Variants in HORMAD2 observed in about 807,000 individuals in gnomAD.
HORMAD2 encodes the protein HORMA domain containing 2.
In HORMAD2, 45 loss-of-function variants were observed where a neutral mutation model predicts 38.8. That is an observed-to-expected ratio of 1.16 (90% confidence interval 0.91 to 1.49). The LOEUF (loss-of-function observed/expected upper bound fraction) is 1.49. Among genes scored for constraint, HORMAD2 ranks in the 40% most tolerant of loss-of-function variants. The pLI is 0.00. For synonymous variants in HORMAD2, 126 were observed against 122.8 expected (o/e 1.03, Z -0.17); for missense variants, 338 against 367.0 (o/e 0.92, Z 0.65).
At chr22:30,126,822 G>A (rs1238411394) in intron 10 of HORMAD2, among the ~76,000 whole-genome samples, 2 of 152,174 alleles carry the variant, frequency 1.3e-5, no homozygotes, top group Non-Finnish European at 2.9e-5. Context: ...GAGAGTTGTG[G>A]TTGCTTTACA....
At chr22:30,084,555 G>A (rs1442008600) in intron 1 of HORMAD2, among the ~76,000 whole-genome samples, 1 of 152,046 alleles carries the variant, frequency 6.6e-6, no homozygotes, top group Non-Finnish European at 1.5e-5. Context: ...TATTTTTCTA[G>A]ACTCTTAATT....
intron 10 of HORMAD2, among the ~76,000 whole-genome samples, chr22:30,163,834 A>T (rs1346145162): frequency 1.3e-5 from 2 of 152,176 alleles, no homozygotes; most frequent in Non-Finnish European, 2.9e-5. Flanking sequence ...TTTTAAGGAT[A>T]CAGTTCAGTG....
the HORMAD2 span, among the ~76,000 whole-genome samples, chr22:30,205,844 C>T: frequency 8.7e-4 from 132 of 152,152 alleles, no homozygotes; most frequent in African/African-American, 3.0e-3. Context: ...GGAGGCTCAG[C>T]GCTGCCCCAC....
At chr22:30,140,805 T>C (rs910662267) in intron 10 of HORMAD2, among the ~76,000 whole-genome samples, 7 of 152,330 alleles carry the variant, frequency 4.6e-5, no homozygotes, top group African/African-American at 1.7e-4. Context: ...TATTATTTCC[T>C]TCCTGTGCTT....
Position 30,176,205 on chromosome 22 carries a change from T to C in HORMAD2, c.*38T>C. On this transcript the variant is annotated 3_prime_UTR_variant, in exon 11 of 11. Transcript: ENST00000336726. ...CCTTCTACATTTATTTTAAAATAAG[T>C]TTATTTTGTAAAAACATGCATAAAC... 1.5e-6 allele frequency: 2 copies of C among 1,321,012 alleles called. No individual in the cohort carries two copies. The highest frequency in any genetic ancestry group is 2.2e-6 in the Non-Finnish European group (2 of 927,600). 81.8% of individuals were successfully genotyped at this position (1,321,012 alleles called of 1,614,324 possible).
Position 30,122,068 on chromosome 22 carries a change from A to T in HORMAD2, c.673A>T (p.Thr225Ser), listed in dbSNP as rs762271431. 6.2e-7 allele frequency: 1 copy of T among 1,613,710 alleles called. No homozygotes were observed. The highest frequency in any genetic ancestry group is 1.1e-5 in the South Asian group (1 of 91,032). Residue 225 changes from threonine (T) to serine (S), a missense_variant, in exon 10 of 11, where the codon ACT (threonine) becomes TCT (serine). Physicochemically the swap from Thr to Ser is moderately conservative, Grantham distance 58. Transcript: ENST00000336726. The part of the protein sequence containing the change: ...PINVQVGFVS[T>S]GFHSMKVKVM... Reference sequence around the variant, plus strand: ...CAACGTGCAAGTGGGATTTGTCTCCACTGGCTTTCATAGCATGAAAGTAAA... The same window carrying T: ...CAACGTGCAAGTGGGATTTGTCTCCTCTGGCTTTCATAGCATGAAAGTAAA...
chr22:30,143,376 G>T (rs574131659), intron 10 of HORMAD2, among the ~76,000 whole-genome samples: 2 of 151,968 alleles, frequency 1.3e-5, no homozygotes, highest in Non-Finnish European at 2.9e-5. Flanking sequence ...AATTCTCTCA[G>T]TTTTTGTTTA....
the HORMAD2 span, among the ~76,000 whole-genome samples, chr22:30,205,880 C>T: frequency 6.6e-6 from 1 of 152,208 alleles, no homozygotes; most frequent in African/African-American, 2.4e-5. Flanking sequence ...AAATCCTACC[C>T]GAAATCCCAA....
chr22:30,088,100 T>C (rs1340904142), intron 1 of HORMAD2, among the ~76,000 whole-genome samples: 3 of 134,068 alleles, frequency 2.2e-5, no homozygotes, highest in African/African-American at 2.6e-5. Context: ...TACACACACG[T>C]ACACACGTGT....
At chr22:30,197,702 A>C in the HORMAD2 span, among the ~76,000 whole-genome samples, 1 of 152,340 alleles carries the variant, frequency 6.6e-6, no homozygotes, top group Non-Finnish European at 1.5e-5. Flanking sequence ...AAGATGAGGA[A>C]GCCCTAGTTT....
intron 4 of HORMAD2, among the ~76,000 whole-genome samples, chr22:30,103,915 C>A (rs1382707066): frequency 1.3e-5 from 2 of 151,214 alleles, no homozygotes; most frequent in South Asian, 4.2e-4. Flanking sequence ...CCACCTTGGC[C>A]CCCCAAAGTG....
At chr22:30,188,414 T>C in the HORMAD2 span, among the ~76,000 whole-genome samples, 3 of 152,192 alleles carry the variant, frequency 2.0e-5, no homozygotes, top group South Asian at 2.1e-4. Flanking sequence ...AAAAAAATCA[T>C]TGAATCATCA....
the HORMAD2 span, among the ~76,000 whole-genome samples, chr22:30,198,424 C>T: frequency 3.3e-5 from 5 of 152,130 alleles, no homozygotes; most frequent in Non-Finnish European, 5.9e-5. Flanking sequence ...GAGATTCATC[C>T]ACAACACACA....
chr22:30,098,702 A>G (rs1569085055), intron 2 of HORMAD2, 150 bp from the exon 3 acceptor site: 2 of 567,534 alleles, frequency 3.5e-6, no homozygotes, highest in Non-Finnish European at 5.7e-6. Context: ...AATTTAATGT[A>G]ATATTCAAAG....
At chr22:30,111,545 T>C (rs1047282572) in intron 5 of HORMAD2, among the ~76,000 whole-genome samples, 1 of 152,146 alleles carries the variant, frequency 6.6e-6, no homozygotes, top group Non-Finnish European at 1.5e-5. Context: ...TATGGAAGGC[T>C]GACTTTTCAT....
At chr22:30,183,323 C>T in the HORMAD2 span, among the ~76,000 whole-genome samples, 1 of 152,108 alleles carries the variant, frequency 6.6e-6, no homozygotes, top group Non-Finnish European at 1.5e-5. Context: ...TTTCTGTCAC[C>T]CCAGAAGTTC....
intron 10 of HORMAD2, among the ~76,000 whole-genome samples, chr22:30,175,674 T>G (rs954984012): frequency 6.6e-6 from 1 of 152,140 alleles, no homozygotes; most frequent in Non-Finnish European, 1.5e-5. Flanking sequence ...GCAGTATGTC[T>G]CTGCTACCTG....
the HORMAD2 span, among the ~76,000 whole-genome samples, chr22:30,199,235 A>C: frequency 2.6e-5 from 4 of 152,252 alleles, no homozygotes; most frequent in Non-Finnish European, 5.9e-5. Context: ...AGGCGTGATC[A>C]GTAGATATGC....
chr22:30,182,734 TG>T, the HORMAD2 span, among the ~76,000 whole-genome samples: 1 of 152,176 alleles, frequency 6.6e-6, no homozygotes, highest in Admixed American at 6.5e-5. Context: ...GAGACCAGCC[TG>T]GGTAACACAG....
Sources: allele counts gnomAD v4.1 joint callset (sites outside exome capture counted in the v4.1 genomes callset), GRCh38; gene constraint gnomAD v4.1.1; transcripts MANE v1.5; gene names NCBI Gene and HGNC (gene_info 2026-07-23, HGNC 2026-07-21).